TLN2: variants seen among roughly 807,000 people sequenced by gnomAD.
TLN2 encodes talin-2.
Under a neutral mutation model 294.7 loss-of-function variants are expected in TLN2, and 118 were observed. The observed-to-expected ratio is 0.40, with a 90% confidence interval of 0.34 to 0.47. TLN2 has a LOEUF of 0.47. Ranked by LOEUF, TLN2 falls within the 20% of genes least tolerant of loss-of-function variation. The pLI is 0.84. For missense variants in TLN2, 3,083 were observed against 3,282.2 expected, an observed-to-expected ratio of 0.94 and a Z score of 1.48; for synonymous variants, 1,431 against 1,304.5, an observed-to-expected ratio of 1.10 and a Z score of -2.09.
intron 1 of TLN2, among the ~76,000 whole-genome samples, chr15:62,576,221 G>A (rs1424620958): frequency 6.6e-6 from 1 of 151,432 alleles, no homozygotes; most frequent in Non-Finnish European, 1.5e-5. Flanking sequence ...TCGAGATCAC[G>A]CCATTGCACT....
intron 3 of TLN2, among the ~76,000 whole-genome samples, chr15:62,643,405 A>ATTTTTTTTTTTTTTTT (rs571288380): frequency 9.9e-5 from 9 of 90,738 alleles, no homozygotes; most frequent in African/African-American, 2.1e-4. Flanking sequence ...TGGTTCCAGG[A>ATTTTTTTTTTTTTTTT]TTTTTTTTTT....
chr15:62,468,193 G>T (rs911000604), intron 1 of TLN2, among the ~76,000 whole-genome samples: 1 of 151,900 alleles, frequency 6.6e-6, no homozygotes, highest in Admixed American at 6.6e-5. Flanking sequence ...TCATTTTGGT[G>T]TGGGACCCTC....
intron 32 of TLN2, among the ~76,000 whole-genome samples, chr15:62,744,535 T>G (rs551211258): frequency 8.6e-5 from 13 of 150,986 alleles, no homozygotes; most frequent in African/African-American, 2.7e-4. Flanking sequence ...GCTAGATGAT[T>G]ATTATTATGT....
chr15:62,635,961 C>T (rs2050337181), intron 3 of TLN2, among the ~76,000 whole-genome samples: 1 of 152,120 alleles, frequency 6.6e-6, no homozygotes, highest in Non-Finnish European at 1.5e-5. Context: ...GTCGAGTTCA[C>T]ATGACTACTC....
chr15:62,763,817 T>C, intron 40 of TLN2, 122 bp downstream of exon 40: 1 of 1,361,286 alleles, frequency 7.3e-7, no homozygotes, highest in Non-Finnish European at 9.7e-7. Context: ...GTTTCACCAT[T>C]AGACAGCCAT....
At chr15:62,662,545 T>A in intron 9 of TLN2, among the ~76,000 whole-genome samples, 1 of 152,184 alleles carries the variant, frequency 6.6e-6, no homozygotes, top group East Asian at 1.9e-4. Context: ...AAGTGCAAAT[T>A]ATAACTAAAT....
At chr15:62,763,328 A>G in intron 39 of TLN2, 1 of 357,812 alleles carries the variant, frequency 2.8e-6, no homozygotes, top group Non-Finnish European at 4.9e-6. Flanking sequence ...CCTAAGGTGG[A>G]GGGCAGGACC....
intron 1 of TLN2, among the ~76,000 whole-genome samples, chr15:62,463,223 GCCAC>G (rs2036911820): frequency 6.6e-6 from 1 of 152,178 alleles, no homozygotes; most frequent in Non-Finnish European, 1.5e-5. Context: ...CAAGGCTACA[GCCAC>G]CCACTGACTT....
intron 22 of TLN2, among the ~76,000 whole-genome samples, chr15:62,713,319 A>C (rs1292182403): frequency 6.6e-6 from 1 of 151,272 alleles, no homozygotes; most frequent in Non-Finnish European, 1.5e-5. Context: ...GTGTCTCCAC[A>C]TCTTACCTCA....
intron 25 of TLN2, 115 bp downstream of exon 25, chr15:62,719,995 C>T: frequency 1.3e-6 from 1 of 782,122 alleles, no homozygotes. Context: ...TTGCGGTAGG[C>T]AGGGCTTGAA....
intron 1 of TLN2, among the ~76,000 whole-genome samples, chr15:62,448,551 C>T (rs1250194533): frequency 1.3e-5 from 2 of 152,052 alleles, no homozygotes; most frequent in East Asian, 1.9e-4. Flanking sequence ...AGAGAGATAC[C>T]GGGTTTATTA....
chr15:62,542,988 T>C (rs1270806808), intron 1 of TLN2, among the ~76,000 whole-genome samples: 1 of 152,166 alleles, frequency 6.6e-6, no homozygotes, highest in Non-Finnish European at 1.5e-5. Flanking sequence ...GTGACTTGGC[T>C]TGACCTAGGA....
At chr15:62,567,089 C>T (rs1432865368) in intron 1 of TLN2, among the ~76,000 whole-genome samples, 1 of 152,080 alleles carries the variant, frequency 6.6e-6, no homozygotes, top group Non-Finnish European at 1.5e-5. Flanking sequence ...GTTTTTTTCC[C>T]ACTTATTATA....
intron 1 of TLN2, among the ~76,000 whole-genome samples, chr15:62,428,192 T>C (rs1274042923): frequency 6.6e-6 from 1 of 152,238 alleles, no homozygotes; most frequent in African/African-American, 2.4e-5. Context: ...CAGGTAGGTT[T>C]GCATTTCTTA....
intron 2 of TLN2, among the ~76,000 whole-genome samples, chr15:62,593,833 T>C (rs775124493): frequency 2.0e-5 from 3 of 152,162 alleles, no homozygotes; most frequent in Non-Finnish European, 4.4e-5. Context: ...TAAACACATG[T>C]AAGGCCAGCT....
chr15:62,715,808 A>G (rs947097181), intron 22 of TLN2, among the ~76,000 whole-genome samples: 7 of 152,092 alleles, frequency 4.6e-5, no homozygotes, highest in East Asian at 1.9e-4. Flanking sequence ...CTTTAACAAA[A>G]TTTCCTTGGA....
chr15:62,462,885 G>T (rs1308754407), intron 1 of TLN2, among the ~76,000 whole-genome samples: 1 of 152,152 alleles, frequency 6.6e-6, no homozygotes, highest in African/African-American at 2.4e-5. Context: ...GTCTGGTTCT[G>T]GGGAAAATCT....
chr15:62,664,958 G>A (rs1216424704), intron 9 of TLN2, among the ~76,000 whole-genome samples: 1 of 150,574 alleles, frequency 6.6e-6, no homozygotes, highest in Non-Finnish European at 1.5e-5. Context: ...AGAAGTAGCA[G>A]TCATAAAGCA....
At chr15:62,594,961 C>G (rs994263831) in intron 2 of TLN2, among the ~76,000 whole-genome samples, 4 of 151,896 alleles carry the variant, frequency 2.6e-5, no homozygotes, top group African/African-American at 9.7e-5. Flanking sequence ...AGAAAACAAC[C>G]CTATTAAAAA....
Sources: gnomAD v4.1 joint callset for allele counts (sites outside exome capture counted in the v4.1 genomes callset) on GRCh38, gnomAD v4.1.1 for gene constraint, MANE v1.5 for transcripts, NCBI Gene and HGNC (gene_info 2026-07-23, HGNC 2026-07-21) for gene names.